FGFR2: variants seen among roughly 807,000 people sequenced by gnomAD.
FGFR2 encodes BEK fibroblast growth factor receptor.
FGFR2 carries 19 observed loss-of-function variants against 95.9 expected under a neutral mutation model. That is an observed-to-expected ratio of 0.20 (90% CI 0.14 to 0.29). The LOEUF (loss-of-function observed/expected upper bound fraction) is 0.29, where lower values mean the gene tolerates loss of function less well. Ranked by LOEUF, FGFR2 falls within the 10% of genes least tolerant of loss-of-function variation. FGFR2 has a pLI of 1.00. For missense variants in FGFR2, 707 were observed against 1,056.9 expected (o/e 0.67, Z 4.59); for synonymous variants, 392 against 393.3 (o/e 1.00, Z 0.04).
intron 6 of FGFR2, among the ~76,000 whole-genome samples, chr10:121,524,099 T>TGTACACACACACACAC (rs1554933373): frequency 7.3e-6 from 1 of 137,196 alleles, no homozygotes; most frequent in African/African-American, 2.9e-5. Context: ...CCCGGCTATG[T>TGTACACACACACACAC]ATACACACAC....
rs182355594 is a variant in FGFR2, at chr10:121,495,769, A to T, written c.1863+763T>A. 1.6e-3 allele frequency among the ~76,000 whole-genome samples: 247 copies of T among 152,290 alleles called. 1 individual carries two copies. The highest frequency in any genetic ancestry group is 5.2e-3 in the African/African-American group (217 of 41,560). On this transcript the variant is annotated intron_variant, in intron 13 of 17. Transcript: ENST00000358487. ...CCCAAGGAATTCCTGGCACTGCAAT[A>T]AACTGCAATGCAGGTAGGAGCAAGG...
chr10:121,539,670 C>T (rs948041635), intron 5 of FGFR2, among the ~76,000 whole-genome samples: 1 of 152,076 alleles, frequency 6.6e-6, no homozygotes, highest in Non-Finnish European at 1.5e-5. Context: ...TCCAGTGAAA[C>T]GAAATGAAAA....
intron 9 of FGFR2, among the ~76,000 whole-genome samples, chr10:121,506,944 C>T (rs1848374528): frequency 1.3e-5 from 2 of 152,146 alleles, no homozygotes; most frequent in African/African-American, 4.8e-5. Context: ...GAGGCATGAA[C>T]AACGGAAAAG....
chr10:121,483,611 C>A lies in FGFR2; in HGVS notation c.2301+87G>T, dbSNP rs1845036928. ...AAACAAGACCACAGACTCCAACCAA[C>A]AGCCAACAGGGGAGTGTGTGTGTAA... On this transcript the variant is annotated intron_variant, in intron 17 of 17. Coordinates refer to ENST00000358487, the MANE Select transcript of FGFR2 (RefSeq NM_000141.5). 29 of 942,144 alleles carry A rather than the reference C, an allele frequency of 3.1e-5. No individual in the cohort carries two copies. In the South Asian group the frequency reaches 4.0e-4, roughly 13 times the overall value. 58.4% of individuals were successfully genotyped at this position (942,144 alleles called of 1,614,324 possible).
rs768507553 is a variant in FGFR2, at chr10:121,524,139, CACA to C, written c.749-3973_749-3971del. On this transcript the variant is annotated intron_variant, in intron 6 of 17. Transcript: ENST00000358487. ...ACACACACACACACACACACACACA[CACA>C]CACACCCCAAGTTTGCAATGGTTTA... Among the ~76,000 whole-genome samples the C allele has an allele frequency of 2.6e-3, 376 of 143,688 alleles. 2 individuals carry two copies. The highest frequency in any genetic ancestry group is 4.5e-3 in the Non-Finnish European group (287 of 63,958). The allele number at this position is 143,688 out of a possible 152,430, so 94.3% of individuals were successfully genotyped here.
intron 2 of FGFR2, among the ~76,000 whole-genome samples, chr10:121,577,402 A>G (rs1341949290): frequency 1.3e-5 from 2 of 151,860 alleles, no homozygotes; most frequent in Admixed American, 6.6e-5. Context: ...TAAACAGGAA[A>G]AAAAGCAAGG....
chr10:121,598,054 C>G lies in FGFR2; in HGVS notation c.-243G>C. 1 of 398,080 alleles carries G rather than the reference C, an allele frequency of 2.5e-6. No individual in the cohort carries two copies. Among genetic ancestry groups the G allele is most frequent in the Non-Finnish European group, 4.4e-6 (1 of 225,688 alleles). The allele number at this position is 398,080 out of a possible 1,614,324, so 24.7% of individuals were successfully genotyped here. A position where few individuals can be genotyped will look rare whatever the true frequency, so the allele number is the denominator to read the frequency against. On this transcript the variant is annotated 5_prime_UTR_variant, in exon 1 of 18. Transcript: ENST00000358487. ...GCGACGAGCCCGGGGTTGCGGGGAG[C>G]AACTCCAAACGCAGAAGAGTGGTCC...
rs2134827286 is a variant in FGFR2, at chr10:121,551,281, T to C, written c.624+9A>G. On this transcript the variant is annotated intron_variant, in intron 5 of 17. Transcript: ENST00000358487. ...TAAGAAATGTGATGTTCTGAAAGCT[T>C]AATTCTACCTTGTAGCCTCCAATGC... 6.2e-7 allele frequency: 1 copy of C among 1,614,018 alleles called. No homozygotes were observed. Among genetic ancestry groups the C allele is most frequent in the Non-Finnish European group, 8.5e-7 (1 of 1,179,878 alleles).
At chr10:121,542,221 A>G (rs1853872139) in intron 5 of FGFR2, among the ~76,000 whole-genome samples, 1 of 152,256 alleles carries the variant, frequency 6.6e-6, no homozygotes, top group African/African-American at 2.4e-5. Flanking sequence ...CTAAAGATGC[A>G]TATAAAACTG....
At chr10:121,594,358 G>A (rs1333940143) in intron 1 of FGFR2, among the ~76,000 whole-genome samples, 1 of 152,172 alleles carries the variant, frequency 6.6e-6, no homozygotes, top group Admixed American at 6.5e-5. Flanking sequence ...AAATGCTCGG[G>A]TTGGCATAAC....
At chr10:121,499,509 G>GT (rs1342749687) in intron 11 of FGFR2, among the ~76,000 whole-genome samples, 2 of 152,250 alleles carry the variant, frequency 1.3e-5, no homozygotes, top group Admixed American at 1.3e-4. Flanking sequence ...GCCGTGGGCT[G>GT]TAAGAAAGGA....
chr10:121,565,619 T>C lies in FGFR2; in HGVS notation c.195A>G (p.Lys65=), dbSNP rs2135120350. 1 of 1,614,232 alleles carries C rather than the reference T, an allele frequency of 6.2e-7. No homozygotes were observed. The part of the protein sequence containing the change: ...GESLEVRCLL[K]DAAVISWTKD... ...TAGTCCAACTGATCACGGCGGCATC[T>C]TTCAACAGGCAGCGCACCTCTAGCG... The change falls in exon 3 of 18, where the codon AAA becomes AAG. Residue 65 remains lysine, a synonymous_variant. Coordinates refer to ENST00000358487, the MANE Select transcript of FGFR2 (RefSeq NM_000141.5).
chr10:121,510,301 C>T (rs1589804457), intron 9 of FGFR2, among the ~76,000 whole-genome samples: 1 of 152,104 alleles, frequency 6.6e-6, no homozygotes, highest in African/African-American at 2.4e-5. Flanking sequence ...CTCGAGAGAT[C>T]GCATCAGCCA....
At position 121,518,755 on chromosome 10, in the gene FGFR2, A is replaced by G. The variant is rs2134283529; in HGVS notation, c.939+1224T>C. 1 of 1,614,178 alleles carries G rather than the reference A, an allele frequency of 6.2e-7. No individual in the cohort carries two copies. Among genetic ancestry groups the G allele is most frequent in the Non-Finnish European group, 8.5e-7 (1 of 1,180,020 alleles). On this transcript the variant is annotated intron_variant, in intron 7 of 17. Transcript: ENST00000358487. This position sits in a 1 kb window ranked among gnomAD's most constrained non-coding sequence, Gnocchi z 4.0. ...CTATATAATTGGAGACCTTACATAT[A>G]TATTCCCCAGCATCCGCCTCGGTCA...
At chr10:121,481,317 G>C (rs1485927267) in intron 17 of FGFR2, among the ~76,000 whole-genome samples, 1 of 151,958 alleles carries the variant, frequency 6.6e-6, no homozygotes, top group African/African-American at 2.4e-5. Flanking sequence ...AAAAAGTGCA[G>C]ACCACAGCAC....
chr10:121,556,073 T>C (rs1404956334), intron 4 of FGFR2, among the ~76,000 whole-genome samples: 1 of 152,174 alleles, frequency 6.6e-6, no homozygotes, highest in African/African-American at 2.4e-5. Flanking sequence ...GAGTTGTCTT[T>C]AGCCTATGGA....
Position 121,485,594 on chromosome 10 carries a change from G to A in FGFR2, c.2058-62C>T, listed in dbSNP as rs540728601. 5.6e-4 allele frequency: 900 copies of A among 1,610,154 alleles called. No individual in the cohort carries two copies. The highest frequency in any genetic ancestry group is 7.0e-4 in the Non-Finnish European group (828 of 1,177,502). ...ATCCACGTTGCCAAAACCTAAACAC[G>A]CCCAGCTGAGACATAAACACCTCCT... is the stretch of plus-strand genomic sequence containing the variant. On this transcript the variant is annotated intron_variant, in intron 15 of 17. Coordinates refer to ENST00000358487, the MANE Select transcript of FGFR2 (RefSeq NM_000141.5). This position sits in a 1 kb window ranked among gnomAD's most constrained non-coding sequence, Gnocchi z 4.2.
intron 9 of FGFR2, among the ~76,000 whole-genome samples, chr10:121,512,730 A>G (rs1043792998): frequency 3.3e-5 from 5 of 152,104 alleles, no homozygotes. Flanking sequence ...TGTGTCTTAC[A>G]TGTAACCTGA....
intron 7 of FGFR2, among the ~76,000 whole-genome samples, 200 bp downstream of exon 7, chr10:121,519,779 T>A (rs1850230780): frequency 6.6e-6 from 1 of 152,238 alleles, no homozygotes; most frequent in Non-Finnish European, 1.5e-5. Context: ...AGTTTAGTAG[T>A]TCTTCCCCTA....
Sources: allele counts gnomAD v4.1 joint callset (sites outside exome capture counted in the v4.1 genomes callset), GRCh38; gene constraint gnomAD v4.1.1; non-coding constraint Gnocchi (gnomAD v3.1); transcripts MANE v1.5; gene names NCBI Gene and HGNC (gene_info 2026-07-23, HGNC 2026-07-21).